The following KCNJ5 variants were observed in gnomAD, a reference collection of about 807,000 sequenced individuals.
KCNJ5 encodes the protein potassium inwardly rectifying channel subfamily J member 5.
Under a neutral mutation model 20.2 loss-of-function variants are expected in KCNJ5, and 12 were observed. The observed-to-expected ratio is 0.59, with a 90% CI of 0.38 to 0.96. The LOEUF is 0.96. Among genes scored for constraint, KCNJ5 ranks in the 40% least tolerant of loss-of-function variants. KCNJ5 has a pLI of 0.00. For missense variants in KCNJ5, 449 were observed against 557.6 expected, an observed-to-expected ratio of 0.81 and a Z score of 1.96; for synonymous variants, 210 against 213.9, an observed-to-expected ratio of 0.98 and a Z score of 0.16.
At chr11:128,899,006 C>A (rs1591439065) in intron 1 of KCNJ5, among the ~76,000 whole-genome samples, 1 of 152,192 alleles carries the variant, frequency 6.6e-6, no homozygotes, top group Non-Finnish European at 1.5e-5. Context: ...CTTTGTTTTT[C>A]TCTTATTCTC....
At chr11:128,915,181 G>C (rs1944558905) in intron 2 of KCNJ5, among the ~76,000 whole-genome samples, 1 of 152,224 alleles carries the variant, frequency 6.6e-6, no homozygotes, top group Admixed American at 6.5e-5. Flanking sequence ...ATATCAGAAA[G>C]CTGCTTTCCT....
rs570868829 is a variant in KCNJ5, at chr11:128,920,174, C to T, written c.*3443C>T. 6.6e-6 allele frequency: 1 copy of T among 152,434 alleles called. No individual in the cohort carries two copies. Among genetic ancestry groups the T allele is most frequent in the Admixed American group, 6.5e-5 (1 of 15,298 alleles). The allele number at this position is 152,434 out of a possible 1,614,324, so 9.4% of individuals were successfully genotyped here. ...CCAATCTGACGCCTGACAGATGTCA[C>T]CACTGCCTGAAGGATCCTGTCCCCA... On this transcript the variant is annotated 3_prime_UTR_variant, in exon 3 of 3. Coordinates refer to ENST00000529694, the MANE Select transcript of KCNJ5 (RefSeq NM_000890.5).
In KCNJ5 at chr11:128,891,607, G is replaced by A. The variant is rs1231799141; in HGVS notation, c.-125G>A. On this transcript the variant is annotated 5_prime_UTR_variant, in exon 1 of 3. Coordinates refer to ENST00000529694, the MANE Select transcript of KCNJ5 (RefSeq NM_000890.5). ...AGGTTCCAGCTACAGCTCCTCCGTGGGGTCATGGCAGGGGCTGGGGAGTCC... is the reference window on the plus strand; with the variant it reads ...AGGTTCCAGCTACAGCTCCTCCGTGAGGTCATGGCAGGGGCTGGGGAGTCC... 1 of 152,580 alleles carries A rather than the reference G, an allele frequency of 6.6e-6. No homozygotes were observed. Among genetic ancestry groups the A allele is most frequent in the Non-Finnish European group, 1.5e-5 (1 of 68,396 alleles). The allele number at this position is 152,580 out of a possible 1,614,324, so 9.5% of individuals were successfully genotyped here.
intron 1 of KCNJ5, among the ~76,000 whole-genome samples, chr11:128,894,796 T>C (rs980313029): frequency 1.3e-5 from 2 of 152,226 alleles, no homozygotes; most frequent in African/African-American, 4.8e-5. Flanking sequence ...GCTTATCTAG[T>C]TCCTCCTACC....
chr11:128,911,141 G>A lies in KCNJ5; in HGVS notation c.-10-123G>A, dbSNP rs1944490173. On this transcript the variant is annotated intron_variant, in intron 1 of 2. Transcript: ENST00000529694. The surrounding 1 kb of genome is among the most constrained non-coding windows in gnomAD (Gnocchi z 6.3). Reference sequence around the variant, plus strand: ...AGGCCCCTGCCCTTGAGGATTTCACGCCCTGACCCCTGGATAACAGAAGAG... The same window carrying A: ...AGGCCCCTGCCCTTGAGGATTTCACACCCTGACCCCTGGATAACAGAAGAG... 5.2e-6 allele frequency: 4 copies of A among 770,296 alleles called. No individual in the cohort carries two copies. The highest frequency in any genetic ancestry group is 9.0e-6 in the Non-Finnish European group (4 of 444,874). The allele number at this position is 770,296 out of a possible 1,614,324, so 47.7% of individuals were successfully genotyped here.
intron 1 of KCNJ5, among the ~76,000 whole-genome samples, chr11:128,903,964 C>T (rs760301086): frequency 2.6e-5 from 4 of 152,168 alleles, no homozygotes; most frequent in Non-Finnish European, 5.9e-5. Context: ...TCCCAGGCAG[C>T]GGTGGCTGCA....
At chr11:128,905,754 G>A (rs1944399330) in intron 1 of KCNJ5, 2 of 152,806 alleles carry the variant, frequency 1.3e-5, no homozygotes, top group African/African-American at 2.4e-5. Flanking sequence ...TGGGGGGGCG[G>A]GGCGGGGGGA....
intron 1 of KCNJ5, among the ~76,000 whole-genome samples, chr11:128,903,877 A>G (rs967882964): frequency 6.6e-6 from 1 of 151,776 alleles, no homozygotes; most frequent in Non-Finnish European, 1.5e-5. Context: ...GCAGGAAATC[A>G]TGAGTTCCTT....
At chr11:128,895,795 G>A (rs1484310032) in intron 1 of KCNJ5, among the ~76,000 whole-genome samples, 1 of 152,378 alleles carries the variant, frequency 6.6e-6, no homozygotes, top group East Asian at 1.9e-4. Context: ...CACAGGCATC[G>A]CCGGGGCGAA....
intron 1 of KCNJ5, among the ~76,000 whole-genome samples, chr11:128,907,850 T>C (rs187569678): frequency 1.0e-3 from 158 of 152,362 alleles, no homozygotes; most frequent in African/African-American, 3.4e-3. Context: ...GTTTATCTTC[T>C]TCACTGCTTT....
chr11:128,913,510 C>T (rs1591451790), intron 2 of KCNJ5, among the ~76,000 whole-genome samples: 3 of 152,236 alleles, frequency 2.0e-5, no homozygotes, highest in Non-Finnish European at 2.9e-5. Context: ...CTAGTCCCCA[C>T]CCCACTCGCA....
At chr11:128,914,218 A>G (rs1944543465) in intron 2 of KCNJ5, among the ~76,000 whole-genome samples, 1 of 152,220 alleles carries the variant, frequency 6.6e-6, no homozygotes, top group South Asian at 2.1e-4. Flanking sequence ...ATTGGGTGAG[A>G]GACATGGGGT....
intron 1 of KCNJ5, chr11:128,902,795 A>T: frequency 6.9e-7 from 1 of 1,442,084 alleles, no homozygotes; most frequent in Non-Finnish European, 9.4e-7. Context: ...CCTAACTCAC[A>T]ACGCAGCCCA....
At chr11:128,894,383 G>A (rs1244172908) in intron 1 of KCNJ5, among the ~76,000 whole-genome samples, 1 of 152,180 alleles carries the variant, frequency 6.6e-6, no homozygotes, top group Non-Finnish European at 1.5e-5. Flanking sequence ...ATGGTGGAGA[G>A]AAGGCAGGGG....
chr11:128,909,714 G>C (rs1424829597), intron 1 of KCNJ5: 6 of 152,200 alleles, frequency 3.9e-5, no homozygotes, highest in African/African-American at 1.4e-4. Context: ...TGTGTTTCTC[G>C]ATCAGGACAG....
chr11:128,909,615 A>G lies in KCNJ5; in HGVS notation c.-10-1649A>G, dbSNP rs557828915. On this transcript the variant is annotated intron_variant, in intron 1 of 2. Coordinates refer to ENST00000529694, the MANE Select transcript of KCNJ5 (RefSeq NM_000890.5). ...CAGTATTTCAGGTAACAACCTAAACAGGGTTTCAGTGCCAGGGAATGTTTC... is the reference window on the plus strand; with the variant it reads ...CAGTATTTCAGGTAACAACCTAAACGGGGTTTCAGTGCCAGGGAATGTTTC... 6.6e-5 allele frequency among the ~76,000 whole-genome samples: 10 copies of G among 152,340 alleles called. No homozygotes were observed. The South Asian group carries it at 1.9e-3, about 28-fold the overall frequency.
At chr11:128,902,578 A>C (rs775602547) in intron 1 of KCNJ5, 7 of 1,610,306 alleles carry the variant, frequency 4.3e-6, no homozygotes, top group Non-Finnish European at 5.9e-6. Context: ...CACCGGAACC[A>C]GGCTGATGGG....
At chr11:128,895,764 C>T (rs772167779) in intron 1 of KCNJ5, among the ~76,000 whole-genome samples, 2 of 152,382 alleles carry the variant, frequency 1.3e-5, no homozygotes, top group East Asian at 3.9e-4. Flanking sequence ...AGCATCCGTG[C>T]TGCGCGCCCT....
At chr11:128,906,650 T>A (rs1230967848) in intron 1 of KCNJ5, among the ~76,000 whole-genome samples, 1 of 152,206 alleles carries the variant, frequency 6.6e-6, no homozygotes, top group Non-Finnish European at 1.5e-5. Flanking sequence ...CCACATTCCT[T>A]GCCGTGTGGC....
Sources: allele counts gnomAD v4.1 joint callset (sites outside exome capture counted in the v4.1 genomes callset), GRCh38; gene constraint gnomAD v4.1.1; non-coding constraint Gnocchi (gnomAD v3.1); transcripts MANE v1.5; gene names NCBI Gene and HGNC (gene_info 2026-07-23, HGNC 2026-07-21).